The following PHLPP1 variants were observed in gnomAD, a reference collection of about 807,000 sequenced individuals.
PHLPP1 encodes PH domain leucine-rich repeat-containing protein phosphatase 1.
In PHLPP1, 42 loss-of-function variants were observed where a neutral mutation model predicts 117.2. The observed-to-expected ratio is 0.36, with a 90% confidence interval of 0.28 to 0.46. The LOEUF is 0.46. PHLPP1 is among the 20% of genes least tolerant of loss of function. PHLPP1 has a pLI of 1.00. For missense variants in PHLPP1, 2,084 were observed against 2,241.9 expected (o/e 0.93, Z 1.42); for synonymous variants, 1,042 against 970.7 (o/e 1.07, Z -1.37).
At chr18:62,974,962 C>G (rs1033358700) in intron 15 of PHLPP1, among the ~76,000 whole-genome samples, 1 of 152,140 alleles carries the variant, frequency 6.6e-6, no homozygotes, top group African/African-American at 2.4e-5. Context: ...GTGTTTATAC[C>G]TGCTCTTACA....
At chr18:62,827,833 G>A (rs894861341) in intron 1 of PHLPP1, among the ~76,000 whole-genome samples, 6 of 152,122 alleles carry the variant, frequency 3.9e-5, no homozygotes, top group Non-Finnish European at 7.4e-5. Flanking sequence ...TTTGCTCTGG[G>A]GCTTTCTGTA....
At chr18:62,783,230 T>C (rs1319310140) in intron 1 of PHLPP1, among the ~76,000 whole-genome samples, 39 of 124,152 alleles carry the variant, frequency 3.1e-4, no homozygotes, top group African/African-American at 9.0e-4. Context: ...TTTTTTTTTC[T>C]TTTTTTTTTT....
chr18:62,725,554 G>C (rs1028884440), intron 1 of PHLPP1, among the ~76,000 whole-genome samples: 4 of 151,902 alleles, frequency 2.6e-5, no homozygotes, highest in Non-Finnish European at 5.9e-5. Flanking sequence ...TTGGGCTTTT[G>C]TTGTGTGCTG....
intron 3 of PHLPP1, among the ~76,000 whole-genome samples, chr18:62,840,124 A>G (rs1915015486): frequency 6.6e-6 from 1 of 152,224 alleles, no homozygotes; most frequent in Non-Finnish European, 1.5e-5. Context: ...GTAAGGGAAT[A>G]ACTTTGGAAA....
chr18:62,958,524 T>C, intron 12 of PHLPP1, 105 bp from the exon 13 acceptor site: 2 of 1,087,800 alleles, frequency 1.8e-6, no homozygotes, highest in East Asian at 2.4e-5. Flanking sequence ...TAGTGTATTA[T>C]AATGAATGGT....
In PHLPP1 at chr18:62,859,052, A is replaced by G. The variant is rs575747252; in HGVS notation, c.1900-1383A>G. On this transcript the variant is annotated intron_variant, in intron 3 of 16. Transcript: ENST00000262719. ...ACTCAGAACCATACACCTAAGGACT[A>G]CGTTCTACTGCCTTGTGTAATTAGG... Among the ~76,000 whole-genome samples the G allele has an allele frequency of 1.1e-4, 16 of 152,320 alleles. No individual in the cohort carries two copies. In the East Asian group the frequency reaches 1.5e-3, roughly 15 times the overall value.
intron 4 of PHLPP1, among the ~76,000 whole-genome samples, chr18:62,870,281 C>G (rs550759859): frequency 6.6e-6 from 1 of 152,072 alleles, no homozygotes; most frequent in Admixed American, 6.6e-5. Flanking sequence ...GCTAAGATTC[C>G]AGAGTAATAA....
chr18:62,972,471 G>A, intron 14 of PHLPP1, 43 bp from the exon 15 acceptor site: 2 of 1,566,656 alleles, frequency 1.3e-6, no homozygotes, highest in South Asian at 1.1e-5. Flanking sequence ...GCCTGGAGCA[G>A]GAGGATGAGT....
chr18:62,948,200 C>A (rs1394036897), intron 12 of PHLPP1, among the ~76,000 whole-genome samples: 1 of 151,976 alleles, frequency 6.6e-6, no homozygotes, highest in African/African-American at 2.4e-5. Flanking sequence ...TGGCACATTC[C>A]TGTAGTCCCA....
At chr18:62,881,530 G>C (rs1599100011) in intron 4 of PHLPP1, among the ~76,000 whole-genome samples, 1 of 152,024 alleles carries the variant, frequency 6.6e-6, no homozygotes, top group East Asian at 1.9e-4. Flanking sequence ...TTGTTTTCTA[G>C]TTATATGAAA....
intron 1 of PHLPP1, among the ~76,000 whole-genome samples, chr18:62,786,886 ATGAG>A (rs1459171844): frequency 6.6e-6 from 1 of 152,228 alleles, no homozygotes; most frequent in Non-Finnish European, 1.5e-5. Context: ...CATAATTAGA[ATGAG>A]TATTTGGTCA....
intron 16 of PHLPP1, among the ~76,000 whole-genome samples, chr18:62,977,765 A>G (rs1004476843): frequency 6.6e-6 from 1 of 152,192 alleles, no homozygotes; most frequent in Admixed American, 6.5e-5. Flanking sequence ...GTCTTGATAT[A>G]TGCCTGCGTC....
At position 62,838,810 on chromosome 18, in the gene PHLPP1, C is replaced by G. The variant is rs762667266; in HGVS notation, c.1800C>G (p.His600Gln). 6.2e-7 allele frequency: 1 copy of G among 1,613,782 alleles called. No homozygotes were observed. The highest frequency in any genetic ancestry group is 8.5e-7 in the Non-Finnish European group (1 of 1,179,702). The change falls in exon 3 of 17, where the codon CAC becomes CAG. Residue 600 changes from histidine to glutamine, a missense_variant. Physicochemically the swap from His to Gln is conservative, Grantham distance 24. Around this residue, in one of 2 missense-constraint regions of PHLPP1, gnomAD observed 1,365 missense variants for 1,605.9 expected, o/e 0.85. Transcript: ENST00000262719. ...GKVEEVKKHQ[H>Q]CLAFSSSGPQ... is the part of the protein sequence containing the mutation. The stretch of plus-strand genomic sequence containing the variant: ...TAGAAGAAGTGAAAAAGCACCAACA[C>G]TGTTTAGCATTTAGCTCCTCTGGAC...
intron 4 of PHLPP1, among the ~76,000 whole-genome samples, chr18:62,877,683 T>C (rs1461262005): frequency 1.3e-5 from 2 of 152,194 alleles, no homozygotes; most frequent in Admixed American, 6.5e-5. Flanking sequence ...TCAGATGGAA[T>C]TGTGATCCTC....
intron 1 of PHLPP1, among the ~76,000 whole-genome samples, chr18:62,829,740 A>G (rs1914705844): frequency 6.6e-6 from 1 of 152,212 alleles, no homozygotes. Context: ...TGACAGAGCG[A>G]AACTCCATCT....
chr18:62,799,850 C>T (rs1302246016), intron 1 of PHLPP1, among the ~76,000 whole-genome samples: 2 of 152,120 alleles, frequency 1.3e-5, no homozygotes, highest in Non-Finnish European at 2.9e-5. Flanking sequence ...AACATTTTTC[C>T]TCTTTTTAAC....
intron 4 of PHLPP1, among the ~76,000 whole-genome samples, chr18:62,863,669 G>C (rs191211206): frequency 6.6e-6 from 1 of 152,176 alleles, no homozygotes; most frequent in Non-Finnish European, 1.5e-5. Context: ...TCATGGTGCT[G>C]GTGGGAGTGT....
intron 1 of PHLPP1, among the ~76,000 whole-genome samples, chr18:62,779,849 G>GT (rs200056386): frequency 1.8e-3 from 276 of 151,912 alleles, no homozygotes; most frequent in Middle Eastern, 6.8e-3. Context: ...CATGTGTTCT[G>GT]TTTTTTTTGA....
At chr18:62,835,494 G>A (rs1914868056) in intron 2 of PHLPP1, among the ~76,000 whole-genome samples, 1 of 151,932 alleles carries the variant, frequency 6.6e-6, no homozygotes, top group Admixed American at 6.6e-5. Flanking sequence ...CACCGCACCT[G>A]GCTCCTTATC....
Sources: gnomAD v4.1 joint callset for allele counts (sites outside exome capture counted in the v4.1 genomes callset) on GRCh38, gnomAD v4.1.1 for gene constraint, gnomAD v4.1.1 regional missense constraint, MANE v1.5 for transcripts, NCBI Gene and HGNC (gene_info 2026-07-23, HGNC 2026-07-21) for gene names.